Variants in PLCZ1 observed in about 807,000 individuals in gnomAD.
The protein encoded by PLCZ1 is 1-phosphatidylinositol 4,5-bisphosphate phosphodiesterase zeta-1.
A neutral mutation model predicts 76.8 loss-of-function variants in PLCZ1; 64 were observed. That is an observed-to-expected ratio of 0.83 (90% CI 0.68 to 1.03). The LOEUF is 1.03. Among genes scored for constraint, PLCZ1 ranks in the 50% least tolerant of loss-of-function variants. The pLI is 0.00. For synonymous variants in PLCZ1, 248 were observed against 230.8 expected (o/e 1.07, Z -0.68); for missense variants, 751 against 713.7 (o/e 1.05, Z -0.60).
At chr12:18,688,062 A>G (rs1187464969) in intron 13 of PLCZ1, 27 bp downstream of exon 13, 1 of 1,607,882 alleles carries the variant, frequency 6.2e-7, no homozygotes. Flanking sequence ...TCTAATGGAA[A>G]TTCAATAAGG....
chr12:18,664,162 G>A, the PLCZ1 span, among the ~76,000 whole-genome samples: 1 of 152,190 alleles, frequency 6.6e-6, no homozygotes, highest in African/African-American at 2.4e-5. Context: ...GAACGCTTAT[G>A]TACTGTTGGT....
chr12:18,711,260 C>A (rs913674479), intron 6 of PLCZ1, among the ~76,000 whole-genome samples: 29 of 151,142 alleles, frequency 1.9e-4, no homozygotes, highest in Non-Finnish European at 3.7e-4. Flanking sequence ...TGGAAACCAT[C>A]ATTCTCAGCA....
At chr12:18,646,851 C>G in the PLCZ1 span, among the ~76,000 whole-genome samples, 2 of 151,698 alleles carry the variant, frequency 1.3e-5, no homozygotes, top group African/African-American at 2.4e-5. Context: ...TGCAGGTTGC[C>G]GATGGACCTG....
At chr12:18,691,053 T>C (rs1484860289) in intron 12 of PLCZ1, among the ~76,000 whole-genome samples, 3 of 152,000 alleles carry the variant, frequency 2.0e-5, no homozygotes, top group Admixed American at 6.6e-5. Context: ...GCCAAAGAAA[T>C]AGACCTGATG....
intron 12 of PLCZ1, among the ~76,000 whole-genome samples, chr12:18,694,254 T>C (rs1283031459): frequency 6.6e-6 from 1 of 152,074 alleles, no homozygotes; most frequent in Non-Finnish European, 1.5e-5. Context: ...AAGTGCCCAC[T>C]GGGTGGCCTG....
At chr12:18,713,627 C>T (rs1957602257) in intron 5 of PLCZ1, 1 of 152,390 alleles carries the variant, frequency 6.6e-6, no homozygotes, top group South Asian at 2.1e-4. Flanking sequence ...AATTTTAATC[C>T]AAGTAAGCAC....
intron 6 of PLCZ1, among the ~76,000 whole-genome samples, chr12:18,708,225 C>T (rs931921557): frequency 9.9e-5 from 15 of 152,260 alleles, no homozygotes; most frequent in Non-Finnish European, 1.9e-4. Flanking sequence ...TATCTCTGTA[C>T]ATTTGAGAGT....
chr12:18,648,554 A>C, the PLCZ1 span: 1 of 167,630 alleles, frequency 6.0e-6, no homozygotes, highest in Non-Finnish European at 1.3e-5. Context: ...CAAAACATAA[A>C]TCCTGAAATT....
intron 6 of PLCZ1, among the ~76,000 whole-genome samples, chr12:18,706,104 G>T (rs563795571): frequency 6.6e-6 from 1 of 151,714 alleles, no homozygotes; most frequent in Non-Finnish European, 1.5e-5. Context: ...GTGGTGGCAG[G>T]TGCCTGTAAT....
chr12:18,684,394 G>T, intron 13 of PLCZ1, 115 bp from the exon 14 acceptor site: 1 of 964,108 alleles, frequency 1.0e-6, no homozygotes, highest in Non-Finnish European at 1.5e-6. Context: ...AATATCTTGT[G>T]TTTAGAGCAC....
intron 3 of PLCZ1, among the ~76,000 whole-genome samples, chr12:18,735,087 A>C (rs1420439450): frequency 1.3e-5 from 2 of 152,166 alleles, no homozygotes; most frequent in African/African-American, 2.4e-5. Context: ...CCATCCTTGC[A>C]TGCCAGGGAC....
At chr12:18,650,704 G>GTATATATCTA in the PLCZ1 span, among the ~76,000 whole-genome samples, 36 of 57,754 alleles carry the variant, frequency 6.2e-4, no homozygotes, top group Non-Finnish European at 1.2e-3. Context: ...GTGTGTGTGT[G>GTATATATCTA]TATATATCTA....
At position 18,704,110 on chromosome 12, in the gene PLCZ1, T is replaced by C. The variant is rs544668095; in HGVS notation, c.864+1056A>G. ...AAGAATGTGGTGTTACAACAGAAAG[T>C]AATTCAGGGAAAGGAAGTGGAGGTC... On this transcript the variant is annotated intron_variant, in intron 7 of 14. Coordinates refer to ENST00000266505, the MANE Select transcript of PLCZ1 (RefSeq NM_033123.4). 3.9e-5 allele frequency among the ~76,000 whole-genome samples: 6 copies of C among 152,188 alleles called. No homozygotes were observed. The South Asian group carries it at 1.2e-3, about 32-fold the overall frequency.
At chr12:18,685,615 A>C (rs771211488) in intron 13 of PLCZ1, 1 of 516,256 alleles carries the variant, frequency 1.9e-6, no homozygotes, top group Admixed American at 1.9e-5. Context: ...CAGAAATAGT[A>C]AACTAATTGG....
rs115321864 is a variant in PLCZ1, at chr12:18,719,167, G to A, written c.569+264C>T. ...GTGTCTAGGTTATTCAGCAAACTTC[G>A]GAGGGGCCATAACCATGGAGAGGAG... On this transcript the variant is annotated intron_variant, in intron 5 of 14. Transcript: ENST00000266505. Among the ~76,000 whole-genome samples the A allele has an allele frequency of 7.2e-3, 1,101 of 152,196 alleles. 13 individuals carry two copies. The highest frequency in any genetic ancestry group is 0.026 in the African/African-American group (1,060 of 41,548).
At chr12:18,715,186 A>G (rs1034907063) in intron 5 of PLCZ1, among the ~76,000 whole-genome samples, 45 of 722 alleles carry the variant, frequency 0.062, 1 homozygote, top group Non-Finnish European at 0.19. Flanking sequence ...GGGGGGGCGG[A>G]GGGAGGGAGA....
downstream of PLCZ1, among the ~76,000 whole-genome samples, chr12:18,679,122 T>A (rs1952195193): frequency 6.6e-6 from 1 of 152,114 alleles, no homozygotes; most frequent in Admixed American, 6.6e-5. Context: ...CATTCACATA[T>A]TTCCTTTTGG....
At chr12:18,683,065 ATTTTC>A (rs1038653653), downstream of PLCZ1, 30 of 647,652 alleles carry the variant, frequency 4.6e-5, no homozygotes, top group Admixed American at 8.7e-5. Flanking sequence ...TGAAGTTTCT[ATTTTC>A]TTTTCTTCCA....
In PLCZ1 at chr12:18,688,163, G is replaced by C. The variant is rs1186165869; in HGVS notation, c.1517C>G (p.Ser506Ter). The change falls in exon 13 of 15, where the codon TCA becomes TGA. Residue 506 changes from serine to a stop codon, truncating the protein, a stop_gained. Coordinates refer to ENST00000266505, the MANE Select transcript of PLCZ1 (RefSeq NM_033123.4). LOFTEE classifies it high-confidence loss of function. ...ACCAAAAACTTCTATAATTACTAAT[G>C]AATCACCTTTGTTAGATGATGAATG... The part of the protein sequence containing the change: ...LTHSSSNKGD[S>*]LVIIEVFGVP... 1 of 1,610,938 alleles carries C rather than the reference G, an allele frequency of 6.2e-7. No homozygotes were observed. The highest frequency in any genetic ancestry group is 1.7e-5 in the Admixed American group (1 of 59,906).
Sources: allele counts gnomAD v4.1 joint callset (sites outside exome capture counted in the v4.1 genomes callset), GRCh38; gene constraint gnomAD v4.1.1; transcripts MANE v1.5; gene names NCBI Gene and HGNC (gene_info 2026-07-23, HGNC 2026-07-21).